The following HSF5 variants were observed in gnomAD, a reference collection of about 807,000 sequenced individuals.
HSF5 encodes the protein heat shock factor protein 5.
Under a neutral mutation model 50.8 loss-of-function variants are expected in HSF5, and 5 were observed. The observed-to-expected ratio is 0.10, with a 90% CI of 0.05 to 0.21. The LOEUF is 0.21. Among genes scored for constraint, HSF5 ranks in the 10% least tolerant of loss-of-function variants. The pLI is 1.00. For missense variants in HSF5, 564 were observed against 762.6 expected, an observed-to-expected ratio of 0.74 and a Z score of 3.07; for synonymous variants, 307 against 307.4, an observed-to-expected ratio of 1.00 and a Z score of 0.02.
At chr17:58,483,194 G>A (rs912526097) in intron 1 of HSF5, among the ~76,000 whole-genome samples, 11 of 152,146 alleles carry the variant, frequency 7.2e-5, no homozygotes, top group Admixed American at 2.6e-4. Context: ...TTTTCAGGCT[G>A]TCAATAACTT....
At chr17:58,425,787 G>GCTAACTAC (rs1974290248) in intron 5 of HSF5, among the ~76,000 whole-genome samples, 1 of 152,132 alleles carries the variant, frequency 6.6e-6, no homozygotes, top group African/African-American at 2.4e-5. Context: ...TAACTAGGAG[G>GCTAACTAC]AAGAGCCTCT....
At chr17:58,479,003 C>T (rs984978448) in intron 2 of HSF5, among the ~76,000 whole-genome samples, 1 of 151,820 alleles carries the variant, frequency 6.6e-6, no homozygotes, top group Non-Finnish European at 1.5e-5. Context: ...GTTCTCAATG[C>T]CCTTGCTTGA....
At chr17:58,445,602 C>A (rs527428845) in intron 5 of HSF5, among the ~76,000 whole-genome samples, 2 of 152,204 alleles carry the variant, frequency 1.3e-5, no homozygotes, top group African/African-American at 4.8e-5. Context: ...CATGAATGAA[C>A]CTTGAGAACA....
Position 58,488,189 on chromosome 17 carries a change from G to C in HSF5, c.86C>G (p.Ser29Cys), listed in dbSNP as rs1263868325. 1 of 1,531,186 alleles carries C rather than the reference G, an allele frequency of 6.5e-7. No individual in the cohort carries two copies. Among genetic ancestry groups the C allele is most frequent in the Admixed American group, 2.1e-5 (1 of 48,092 alleles). 94.8% of individuals were successfully genotyped at this position (1,531,186 alleles called of 1,614,324 possible). Residue 29 changes from serine (S) to cysteine (C), a missense_variant, in exon 1 of 6, where the codon TCC becomes TGC. Transcript: ENST00000323777. This position sits in a 1 kb window ranked among gnomAD's most constrained non-coding sequence, Gnocchi z 4.1. ...CTCGCCGCGGCCGTCCCAGCGGATGGAGCGGTAGCGCGGGCTGTTCACCAG... is the reference window on the plus strand; with the variant it reads ...CTCGCCGCGGCCGTCCCAGCGGATGCAGCGGTAGCGCGGGCTGTTCACCAG... The part of the protein sequence containing the change: ...WRLVNSPRYR[S>C]IRWDGRGEGL...
At chr17:58,456,154 T>G (rs1598191494) in intron 5 of HSF5, among the ~76,000 whole-genome samples, 1 of 117,926 alleles carries the variant, frequency 8.5e-6, no homozygotes, top group Non-Finnish European at 1.8e-5. Context: ...TATATATATG[T>G]GTGTGTGTAT....
intron 2 of HSF5, among the ~76,000 whole-genome samples, chr17:58,479,100 C>T (rs1975065621): frequency 6.6e-6 from 1 of 151,872 alleles, no homozygotes; most frequent in African/African-American, 2.4e-5. Context: ...CTGCGGAGAT[C>T]CCACTGTTCA....
chr17:58,438,617 G>A (rs1231463321), intron 5 of HSF5, among the ~76,000 whole-genome samples: 1 of 151,998 alleles, frequency 6.6e-6, no homozygotes, highest in African/African-American at 2.4e-5. Flanking sequence ...GGAAAAGATT[G>A]ACAAAAATCA....
chr17:58,467,708 T>G (rs2531730), intron 2 of HSF5, among the ~76,000 whole-genome samples: 126,329 of 152,266 alleles, frequency 0.83, 52,541 homozygotes, highest in East Asian at 1. Context: ...TGGTACACAG[T>G]AAGCAAACAG....
intron 2 of HSF5, among the ~76,000 whole-genome samples, chr17:58,477,856 A>G (rs1975038513): frequency 6.6e-6 from 1 of 151,690 alleles, no homozygotes; most frequent in Non-Finnish European, 1.5e-5. Flanking sequence ...CTTTCCCTTT[A>G]GTGCCGCCTG....
intron 5 of HSF5, among the ~76,000 whole-genome samples, chr17:58,435,964 G>A (rs984193873): frequency 3.3e-5 from 5 of 151,276 alleles, no homozygotes; most frequent in Non-Finnish European, 5.9e-5. Flanking sequence ...TACTATGTAT[G>A]GACTACTTAC....
chr17:58,479,447 C>T (rs763193374), intron 2 of HSF5, among the ~76,000 whole-genome samples: 10 of 151,890 alleles, frequency 6.6e-5, no homozygotes, highest in African/African-American at 1.9e-4. Flanking sequence ...GGATTACAGG[C>T]GCCTGCCACC....
intron 5 of HSF5, among the ~76,000 whole-genome samples, chr17:58,449,715 A>T (rs9895108): frequency 0.024 from 3,126 of 128,388 alleles, 74 homozygotes; most frequent in African/African-American, 0.068. Flanking sequence ...AAAAAAAAAA[A>T]TTTTTTTTAA....
At chr17:58,433,712 G>A (rs747643248) in intron 5 of HSF5, among the ~76,000 whole-genome samples, 24 of 152,164 alleles carry the variant, frequency 1.6e-4, no homozygotes, top group South Asian at 1.0e-3. Flanking sequence ...AGTAAAATAC[G>A]GACTGATAAT....
At chr17:58,430,966 C>T (rs1974357155) in intron 5 of HSF5, among the ~76,000 whole-genome samples, 2 of 152,190 alleles carry the variant, frequency 1.3e-5, no homozygotes, top group Admixed American at 1.3e-4. Context: ...CAACCCAAAT[C>T]CCACCTTGAA....
At chr17:58,447,480 T>C (rs1182521032) in intron 5 of HSF5, among the ~76,000 whole-genome samples, 1 of 152,074 alleles carries the variant, frequency 6.6e-6, no homozygotes, top group Non-Finnish European at 1.5e-5. Context: ...GCCACAGCCA[T>C]GGGAATACCC....
At chr17:58,433,010 T>C (rs1375928629) in intron 5 of HSF5, among the ~76,000 whole-genome samples, 1 of 151,990 alleles carries the variant, frequency 6.6e-6, no homozygotes, top group African/African-American at 2.4e-5. Flanking sequence ...ATTCATTCAT[T>C]CATTCATTCA....
chr17:58,453,967 G>A (rs997007282), intron 5 of HSF5, among the ~76,000 whole-genome samples: 1 of 152,026 alleles, frequency 6.6e-6, no homozygotes, highest in African/African-American at 2.4e-5. Context: ...GGTGGCACGC[G>A]CCTGTAGTCC....
chr17:58,480,256 C>T lies in HSF5; in HGVS notation c.562G>A (p.Val188Ile), dbSNP rs117884653. The change falls in exon 2 of 6, where the codon GTA (valine) becomes ATA (isoleucine). Residue 188 changes from valine to isoleucine, a missense_variant. Physicochemically the swap from Val to Ile is conservative, Grantham distance 29. This residue lies in a region of HSF5 where 441 missense variants were observed against 533.6 expected (regional missense o/e 0.83). Coordinates refer to ENST00000323777, the MANE Select transcript of HSF5 (RefSeq NM_001080439.3). The part of the protein sequence containing the change: ...PRPEPHGPVA[V>I]GQFHRSFRRD... Reference sequence around the variant, plus strand: ...CGAAATGACCGGTGAAATTGTCCTACAGCCACTGGTCCTACATAAAAGAGG... The same window carrying T: ...CGAAATGACCGGTGAAATTGTCCTATAGCCACTGGTCCTACATAAAAGAGG... 484 of 1,609,084 alleles carry T rather than the reference C, an allele frequency of 3.0e-4. No homozygotes were observed. Among genetic ancestry groups the T allele is most frequent in the Middle Eastern group, 2.8e-3 (17 of 6,008 alleles).
intron 2 of HSF5, among the ~76,000 whole-genome samples, chr17:58,470,133 C>T (rs1447755004): frequency 6.6e-6 from 1 of 152,152 alleles, no homozygotes; most frequent in Non-Finnish European, 1.5e-5. Context: ...CCCAGTATCT[C>T]CTCATTTATG....
Sources: gnomAD v4.1 joint callset for allele counts (sites outside exome capture counted in the v4.1 genomes callset) on GRCh38, gnomAD v4.1.1 for gene constraint, gnomAD v4.1.1 regional missense constraint, Gnocchi (gnomAD v3.1) non-coding constraint, MANE v1.5 for transcripts, NCBI Gene and HGNC (gene_info 2026-07-23, HGNC 2026-07-21) for gene names.